The following TEKT1 variants were observed in gnomAD, a reference collection of about 807,000 sequenced individuals.
TEKT1 encodes the protein tektin 1, also known as tektin-1.
Under a neutral mutation model 34.8 loss-of-function variants are expected in TEKT1, and 32 were observed. The observed-to-expected ratio is 0.92, with a 90% CI of 0.69 to 1.23. The LOEUF (loss-of-function observed/expected upper bound fraction) is 1.23, where lower values mean the gene tolerates loss of function less well. Among genes scored for constraint, TEKT1 ranks in the 50% most tolerant of loss-of-function variants. The pLI, the probability that TEKT1 is intolerant of heterozygous loss-of-function variation, is 0.00. For missense variants in TEKT1, 492 were observed against 518.5 expected (o/e 0.95, Z 0.50); for synonymous variants, 207 against 199.8 (o/e 1.04, Z -0.30).
intron 6 of TEKT1, among the ~76,000 whole-genome samples, chr17:6,808,799 T>C (rs1453354644): frequency 6.6e-6 from 1 of 152,102 alleles, no homozygotes; most frequent in Non-Finnish European, 1.5e-5. Flanking sequence ...TTTAAAGAAA[T>C]TTTTAAAAAA....
chr17:6,805,248 G>A (rs1976827552), intron 6 of TEKT1, among the ~76,000 whole-genome samples: 1 of 152,138 alleles, frequency 6.6e-6, no homozygotes, highest in South Asian at 2.1e-4. Context: ...TAGTTTATTT[G>A]TGTAGAGGTG....
At chr17:6,829,678 A>G (rs1266357590) in intron 2 of TEKT1, among the ~76,000 whole-genome samples, 2 of 152,088 alleles carry the variant, frequency 1.3e-5, no homozygotes, top group Non-Finnish European at 2.9e-5. Flanking sequence ...CAGATTACTT[A>G]TAATACCTAA....
At chr17:6,827,080 T>A (rs531118803) in intron 2 of TEKT1, among the ~76,000 whole-genome samples, 1,885 of 152,282 alleles carry the variant, frequency 0.012, 19 homozygotes, top group Middle Eastern at 0.02. Context: ...TGTTGCTTTG[T>A]CATACTCAGA....
chr17:6,800,524 A>T (rs983424442), intron 7 of TEKT1, among the ~76,000 whole-genome samples: 2 of 152,268 alleles, frequency 1.3e-5, no homozygotes, highest in Admixed American at 1.3e-4. Flanking sequence ...TGACCTAAAC[A>T]TCTGGATTTG....
chr17:6,799,929 G>T lies in TEKT1; in HGVS notation c.*98C>A. On this transcript the variant is annotated 3_prime_UTR_variant, in exon 8 of 8. Coordinates refer to ENST00000338694, the MANE Select transcript of TEKT1 (RefSeq NM_053285.2). ...GAATGCCAGCCAAGAGGTTGCAGCA[G>T]GCTGGCTAGAGGCCCCGCCAGCCTG... 1.6e-6 allele frequency: 2 copies of T among 1,238,002 alleles called. No homozygotes were observed. The highest frequency in any genetic ancestry group is 2.2e-6 in the Non-Finnish European group (2 of 907,992). 76.7% of individuals were successfully genotyped at this position (1,238,002 alleles called of 1,614,324 possible). A position where few individuals can be genotyped will look rare whatever the true frequency, so the allele number is the denominator to read the frequency against.
At chr17:6,815,411 G>T (rs1215712682) in intron 4 of TEKT1, 105 bp from the exon 5 acceptor site, 5 of 1,390,880 alleles carry the variant, frequency 3.6e-6, no homozygotes, top group Non-Finnish European at 5.1e-6. Context: ...GTCTGGTGCA[G>T]GATGATGGTA....
chr17:6,802,881 C>A (rs1976795034), intron 6 of TEKT1, among the ~76,000 whole-genome samples: 1 of 152,074 alleles, frequency 6.6e-6, no homozygotes, highest in Non-Finnish European at 1.5e-5. Context: ...GGGTTGGTTC[C>A]AAGTCTTTGC....
chr17:6,829,576 G>A (rs1429071178), intron 2 of TEKT1, among the ~76,000 whole-genome samples: 1 of 147,444 alleles, frequency 6.8e-6, no homozygotes, highest in Non-Finnish European at 1.5e-5. Flanking sequence ...TCTAACTCCT[G>A]GGCTTACAGG....
intron 3 of TEKT1, 42 bp downstream of exon 3, chr17:6,819,151 T>C (rs767901274): frequency 6.3e-7 from 1 of 1,588,904 alleles, no homozygotes; most frequent in Admixed American, 1.8e-5. Flanking sequence ...AGCATCTCAT[T>C]TGTCACAACA....
chr17:6,819,862 T>G (rs1368121302), intron 2 of TEKT1, among the ~76,000 whole-genome samples: 1 of 152,180 alleles, frequency 6.6e-6, no homozygotes, highest in Non-Finnish European at 1.5e-5. Context: ...TAATTTTTTG[T>G]ATTTTTTAGT....
rs967402428 is a variant in TEKT1 at position 6,798,505 on chromosome 17, A to C, written c.*1522T>G. On this transcript the variant is annotated 3_prime_UTR_variant, in exon 8 of 8. Transcript: ENST00000338694. Reference sequence around the variant, plus strand: ...GCAGAAAAGCACCCAGAGGCTTCCCAGTGAGCAGAGAGGGGCCTCCCTCCT... The same window carrying C: ...GCAGAAAAGCACCCAGAGGCTTCCCCGTGAGCAGAGAGGGGCCTCCCTCCT... 1 of 152,290 alleles carries C rather than the reference A, an allele frequency of 6.6e-6. No individual in the cohort carries two copies. The allele number at this position is 152,290 out of a possible 1,614,324, so 9.4% of individuals were successfully genotyped here. A position where few individuals can be genotyped will look rare whatever the true frequency, so the allele number is the denominator to read the frequency against.
chr17:6,807,403 A>G (rs533286572), intron 6 of TEKT1, among the ~76,000 whole-genome samples: 184 of 152,130 alleles, frequency 1.2e-3, no homozygotes, highest in African/African-American at 4.3e-3. Context: ...CTTCTTTGCC[A>G]TGGGTTCGAA....
At chr17:6,813,237 C>CATTG (rs1023649169) in intron 5 of TEKT1, among the ~76,000 whole-genome samples, 184 bp from the exon 6 acceptor site, 3 of 152,150 alleles carry the variant, frequency 2.0e-5, no homozygotes, top group African/African-American at 7.2e-5. Context: ...CCTACTCTGG[C>CATTG]ATTGGGCTGG....
intron 6 of TEKT1, among the ~76,000 whole-genome samples, chr17:6,809,149 A>C (rs1976890798): frequency 6.6e-6 from 1 of 152,166 alleles, no homozygotes; most frequent in East Asian, 1.9e-4. Context: ...TGATGAGCCA[A>C]TATTGATATA....
At chr17:6,826,811 T>A (rs1313103316) in intron 2 of TEKT1, among the ~76,000 whole-genome samples, 1 of 151,754 alleles carries the variant, frequency 6.6e-6, no homozygotes, top group Non-Finnish European at 1.5e-5. Context: ...TTCTCCTGCC[T>A]CAGCCTCCCG....
chr17:6,807,347 G>T (rs1486091665), intron 6 of TEKT1, among the ~76,000 whole-genome samples: 1 of 152,098 alleles, frequency 6.6e-6, no homozygotes. Flanking sequence ...CTCTGCATTG[G>T]TTATTCTAGT....
intron 3 of TEKT1, 134 bp downstream of exon 3, chr17:6,819,059 G>T (rs1977048475): frequency 9.1e-7 from 1 of 1,095,628 alleles, no homozygotes; most frequent in Non-Finnish European, 1.3e-6. Context: ...GGGCATGCTG[G>T]GATAACTTCA....
rs373675389 is a variant in TEKT1 at position 6,811,033 on chromosome 17, C to T, written c.852+1798G>A. On this transcript the variant is annotated intron_variant, in intron 6 of 7. Coordinates refer to ENST00000338694, the MANE Select transcript of TEKT1 (RefSeq NM_053285.2). The surrounding 1 kb of genome is among the most constrained non-coding windows in gnomAD (Gnocchi z 4.4). ...CTGGGATTACAGGCGTGAGCCACCA[C>T]GCCCGGCCGTGACATCTTATTTTAT... Among the ~76,000 whole-genome samples, 11 of 152,288 alleles carry T rather than the reference C, an allele frequency of 7.2e-5. No homozygotes were observed. The highest frequency in any genetic ancestry group is 1.7e-4 in the African/African-American group (7 of 41,572).
chr17:6,822,229 T>C (rs769175561), intron 2 of TEKT1, among the ~76,000 whole-genome samples: 1 of 152,172 alleles, frequency 6.6e-6, no homozygotes, highest in Non-Finnish European at 1.5e-5. Flanking sequence ...TTTGAACTCC[T>C]GGGCTCAGGA....
Sources: allele counts gnomAD v4.1 joint callset (sites outside exome capture counted in the v4.1 genomes callset), GRCh38; gene constraint gnomAD v4.1.1; non-coding constraint Gnocchi (gnomAD v3.1); transcripts MANE v1.5; gene names NCBI Gene and HGNC (gene_info 2026-07-23, HGNC 2026-07-21).